The following CNTN4 variants were observed in gnomAD, a reference collection of about 807,000 sequenced individuals.
CNTN4 encodes the protein contactin 4.
Under a neutral mutation model 122.5 loss-of-function variants are expected in CNTN4, and 77 were observed. The observed-to-expected ratio is 0.63, with a 90% CI of 0.52 to 0.76. CNTN4 has a LOEUF of 0.76. Ranked by LOEUF, CNTN4 falls within the 30% of genes least tolerant of loss-of-function variation. The probability of loss-of-function intolerance (pLI) is 0.00; values close to 1 mark genes in which losing one functional copy is unlikely to be tolerated. For synonymous variants in CNTN4, 512 were observed against 447.0 expected, an observed-to-expected ratio of 1.15 and a Z score of -1.83; for missense variants, 1,256 against 1,259.1, an observed-to-expected ratio of 1.00 and a Z score of 0.04.
chr3:2,911,745 C>A (rs1439194412), intron 12 of CNTN4, among the ~76,000 whole-genome samples: 1 of 151,682 alleles, frequency 6.6e-6, no homozygotes, highest in South Asian at 2.1e-4. Flanking sequence ...TGAAAATGAG[C>A]CCAAAGAAAT....
chr3:2,121,769 C>A (rs901804763), intron 2 of CNTN4, among the ~76,000 whole-genome samples: 10 of 152,274 alleles, frequency 6.6e-5, no homozygotes, highest in Admixed American at 1.3e-4. Flanking sequence ...TCCTTCTGCT[C>A]AAGAAGTAGG....
At chr3:2,239,671 G>T (rs1008630303) in intron 2 of CNTN4, among the ~76,000 whole-genome samples, 5 of 152,082 alleles carry the variant, frequency 3.3e-5, no homozygotes, top group African/African-American at 1.2e-4. Context: ...TTTTGTATTG[G>T]TAAGACTGCA....
chr3:3,045,135 T>A (rs982331804), intron 23 of CNTN4, among the ~76,000 whole-genome samples: 1 of 152,164 alleles, frequency 6.6e-6, no homozygotes, highest in Non-Finnish European at 1.5e-5. Context: ...AATAGCGGCC[T>A]GGAAGCTCAA....
intron 2 of CNTN4, among the ~76,000 whole-genome samples, chr3:2,125,678 C>T (rs1388058849): frequency 6.6e-6 from 1 of 151,644 alleles, no homozygotes; most frequent in Non-Finnish European, 1.5e-5. Flanking sequence ...CTGCCTCAGC[C>T]TCCTGAGTAG....
chr3:2,362,321 G>A (rs2150555581), intron 3 of CNTN4: 2 of 236,024 alleles, frequency 8.5e-6, no homozygotes, highest in South Asian at 9.7e-5. Flanking sequence ...CGGCCCCAGG[G>A]CTGCGCGGCA....
intron 3 of CNTN4, among the ~76,000 whole-genome samples, chr3:2,509,106 T>G (rs2076814605): frequency 6.6e-6 from 1 of 152,218 alleles, no homozygotes; most frequent in Non-Finnish European, 1.5e-5. Flanking sequence ...TAAAACCAAT[T>G]AAACTATTTC....
chr3:2,922,566 A>G (rs922504081), intron 12 of CNTN4, among the ~76,000 whole-genome samples: 1 of 152,124 alleles, frequency 6.6e-6, no homozygotes. Flanking sequence ...ATAACTTCAG[A>G]AGCTAATTAA....
At chr3:2,099,995 G>C (rs1372056410) in intron 1 of CNTN4, among the ~76,000 whole-genome samples, 1 of 152,234 alleles carries the variant, frequency 6.6e-6, no homozygotes, top group African/African-American at 2.4e-5. Flanking sequence ...TCGCAGCGAA[G>C]CTCCTGCGAG....
rs564758201 is a variant in CNTN4 at position 2,355,377 on chromosome 3, G to A, written c.-89+16144G>A. Among the ~76,000 whole-genome samples the A allele has an allele frequency of 2.0e-5, 3 of 152,264 alleles. No homozygotes were observed. The East Asian group carries it at 5.8e-4, about 29-fold the overall frequency. The stretch of plus-strand genomic sequence containing the variant: ...ATGTCATTGCACACATTTGATCAAT[G>A]TCTTGGCCAAGAAATCTCAGTTGTC... On this transcript the variant is annotated intron_variant, in intron 3 of 24. Transcript: ENST00000418658.
intron 4 of CNTN4, among the ~76,000 whole-genome samples, chr3:2,574,096 A>G (rs1272458705): frequency 6.6e-6 from 1 of 152,138 alleles, no homozygotes; most frequent in Non-Finnish European, 1.5e-5. Context: ...TATGCCTGTA[A>G]TCCCAGCTAC....
intron 4 of CNTN4, among the ~76,000 whole-genome samples, chr3:2,705,159 G>A (rs2086582615): frequency 6.6e-6 from 1 of 151,224 alleles, no homozygotes; most frequent in Non-Finnish European, 1.5e-5. Flanking sequence ...ACGAGGTCAG[G>A]AGATCGAGAC....
chr3:2,413,361 A>C (rs866034071), intron 3 of CNTN4, among the ~76,000 whole-genome samples: 3 of 152,228 alleles, frequency 2.0e-5, no homozygotes, highest in Non-Finnish European at 2.9e-5. Context: ...TAACAAAAGA[A>C]AACTCAAATT....
chr3:2,535,386 A>G (rs1046792379), intron 3 of CNTN4, among the ~76,000 whole-genome samples: 6 of 152,100 alleles, frequency 3.9e-5, no homozygotes, highest in East Asian at 3.9e-4. Context: ...TCAGTTTTCA[A>G]TTCTCTTTCA....
At chr3:2,112,398 A>G (rs1574848663) in intron 2 of CNTN4, among the ~76,000 whole-genome samples, 1 of 152,306 alleles carries the variant, frequency 6.6e-6, no homozygotes, top group East Asian at 1.9e-4. Context: ...CAGTCACTTT[A>G]TAGGTGCTTT....
chr3:2,719,612 C>T (rs530014469), intron 4 of CNTN4, among the ~76,000 whole-genome samples: 351 of 152,208 alleles, frequency 2.3e-3, no homozygotes, highest in Non-Finnish European at 4.2e-3. Flanking sequence ...TTAGTAGAGA[C>T]GGGGTTTCAC....
chr3:2,774,083 A>C (rs1465628262), intron 6 of CNTN4, among the ~76,000 whole-genome samples: 3 of 152,004 alleles, frequency 2.0e-5, no homozygotes, highest in Admixed American at 6.6e-5. Flanking sequence ...CTTTTGACCA[A>C]GACAAATATT....
chr3:2,803,335 G>C (rs778864572), intron 6 of CNTN4, among the ~76,000 whole-genome samples: 3 of 152,278 alleles, frequency 2.0e-5, no homozygotes, highest in Middle Eastern at 3.4e-3. Flanking sequence ...AATTGTCCCA[G>C]CCATTTTAGA....
intron 6 of CNTN4, among the ~76,000 whole-genome samples, chr3:2,780,923 CAAGTT>C (rs2091542895): frequency 6.6e-6 from 1 of 152,036 alleles, no homozygotes; most frequent in South Asian, 2.1e-4. Context: ...ATTCCAAACC[CAAGTT>C]AAGTAGAATA....
At chr3:2,404,552 C>T (rs923778397) in intron 3 of CNTN4, among the ~76,000 whole-genome samples, 1 of 152,156 alleles carries the variant, frequency 6.6e-6, no homozygotes, top group Non-Finnish European at 1.5e-5. Flanking sequence ...TTCTCCTCCA[C>T]ATATTTCTGA....
Sources: allele counts gnomAD v4.1 joint callset (sites outside exome capture counted in the v4.1 genomes callset), GRCh38; gene constraint gnomAD v4.1.1; transcripts MANE v1.5; gene names NCBI Gene and HGNC (gene_info 2026-07-23, HGNC 2026-07-21).